MARCHF1: variants seen among roughly 807,000 people sequenced by gnomAD.
MARCHF1 encodes the protein membrane associated ring-CH-type finger 1, also known as E3 ubiquitin-protein ligase MARCHF1.
MARCHF1 carries 40 observed loss-of-function variants against 54.2 expected under a neutral mutation model. That is an observed-to-expected ratio of 0.74 (90% CI 0.57 to 0.96). The LOEUF (loss-of-function observed/expected upper bound fraction) is 0.96. Ranked by LOEUF, MARCHF1 falls within the 40% of genes least tolerant of loss-of-function variation. MARCHF1 has a pLI of 0.00. For missense variants in MARCHF1, 586 were observed against 656.5 expected (o/e 0.89, Z 1.17); for synonymous variants, 236 against 236.3 (o/e 1.00, Z 0.01).
chr4:164,372,535 T>C lies in MARCHF1; in HGVS notation c.-323+11335A>G, dbSNP rs140555074. Among the ~76,000 whole-genome samples, 648 of 152,272 alleles carry C rather than the reference T, an allele frequency of 4.3e-3. 3 individuals are homozygous for C. Among genetic ancestry groups the C allele is most frequent in the Middle Eastern group, 0.024 (7 of 292 alleles). On this transcript the variant is annotated intron_variant, in intron 1 of 9. Coordinates refer to ENST00000514618, the MANE Select transcript of MARCHF1 (RefSeq NM_001394959.1). Reference sequence around the variant, plus strand: ...TTCAGTCTTAATATTTCTATAATTTTTTTATAATAAACATATTTTACCTCA... The same window carrying C: ...TTCAGTCTTAATATTTCTATAATTTCTTTATAATAAACATATTTTACCTCA...
chr4:164,201,509 C>T (rs559907621), intron 1 of MARCHF1, among the ~76,000 whole-genome samples: 15 of 152,180 alleles, frequency 9.9e-5, no homozygotes, highest in African/African-American at 3.4e-4. Context: ...TGTGAGCCAC[C>T]GTGCCCGGCC....
At chr4:164,314,203 CTT>C (rs1176231045) in intron 1 of MARCHF1, among the ~76,000 whole-genome samples, 1 of 152,162 alleles carries the variant, frequency 6.6e-6, no homozygotes, top group Non-Finnish European at 1.5e-5. Context: ...AGAAAGTACA[CTT>C]TGTCTATATT....
chr4:164,125,555 T>C (rs188313617), intron 1 of MARCHF1, among the ~76,000 whole-genome samples: 1 of 152,266 alleles, frequency 6.6e-6, no homozygotes, highest in Admixed American at 6.5e-5. Context: ...GAAATGATTA[T>C]TATTTACATA....
intron 2 of MARCHF1, among the ~76,000 whole-genome samples, chr4:164,011,939 A>G (rs1753429462): frequency 6.6e-6 from 1 of 152,072 alleles, no homozygotes; most frequent in Admixed American, 6.5e-5. Context: ...GGAGCACTAT[A>G]TTGGAACTCA....
At chr4:163,755,103 G>C (rs565777066) in intron 4 of MARCHF1, among the ~76,000 whole-genome samples, 1 of 152,246 alleles carries the variant, frequency 6.6e-6, no homozygotes, top group Non-Finnish European at 1.5e-5. Context: ...AGTTGGCAGA[G>C]GCAGGAGATA....
At chr4:163,714,098 T>C (rs1478199509) in intron 4 of MARCHF1, among the ~76,000 whole-genome samples, 1 of 152,240 alleles carries the variant, frequency 6.6e-6, no homozygotes, top group Non-Finnish European at 1.5e-5. Context: ...TGTTATTCTT[T>C]CACTGGGTTT....
chr4:163,886,194 GATCT>G (rs887333192), intron 3 of MARCHF1, among the ~76,000 whole-genome samples: 29 of 149,862 alleles, frequency 1.9e-4, no homozygotes, highest in African/African-American at 4.2e-4. Flanking sequence ...TGAATCTATA[GATCT>G]ATCTCTCAAT....
chr4:163,800,202 T>G (rs1459488031), intron 4 of MARCHF1, among the ~76,000 whole-genome samples: 2 of 152,016 alleles, frequency 1.3e-5, no homozygotes, highest in African/African-American at 4.8e-5. Context: ...ATGGAATTAT[T>G]TGTACACCAA....
intron 1 of MARCHF1, among the ~76,000 whole-genome samples, chr4:164,179,721 T>C (rs1208432355): frequency 1.3e-5 from 2 of 152,020 alleles, no homozygotes; most frequent in Admixed American, 1.3e-4. Flanking sequence ...ACCATTAATA[T>C]GTCTTCTCAT....
intron 3 of MARCHF1, among the ~76,000 whole-genome samples, chr4:163,927,898 G>T (rs1249138978): frequency 6.6e-6 from 1 of 151,804 alleles, no homozygotes; most frequent in Non-Finnish European, 1.5e-5. Context: ...TTTGTATAAA[G>T]ATTTAAAATT....
chr4:163,949,643 C>T (rs1752093728), intron 3 of MARCHF1, among the ~76,000 whole-genome samples: 1 of 152,126 alleles, frequency 6.6e-6, no homozygotes, highest in South Asian at 2.1e-4. Flanking sequence ...TCAGAGGAGA[C>T]CCACAGTGGG....
At position 163,527,386 on chromosome 4, in the gene MARCHF1, C is replaced by CAAGT. The variant is rs1351378825; in HGVS notation, c.*1358_*1361dup. On this transcript the variant is annotated 3_prime_UTR_variant, in exon 10 of 10. Coordinates refer to ENST00000514618, the MANE Select transcript of MARCHF1 (RefSeq NM_001394959.1). Reference sequence around the variant, plus strand: ...TTAGTCATAATTACTCATCATCTGTCAAGTTGACACCTCATATGGATGAAA... The same window carrying CAAGT: ...TTAGTCATAATTACTCATCATCTGTCAAGTAAGTTGACACCTCATATGGATGAAA... 1.3e-5 allele frequency: 2 copies of CAAGT among 152,086 alleles called. No homozygotes were observed. The highest frequency in any genetic ancestry group is 4.8e-5 in the African/African-American group (2 of 41,458). The allele number at this position is 152,086 out of a possible 1,614,324, so 9.4% of individuals were successfully genotyped here. A position where few individuals can be genotyped will look rare whatever the true frequency, so the allele number is the denominator to read the frequency against.
At chr4:164,002,173 A>T (rs1423918301) in intron 2 of MARCHF1, among the ~76,000 whole-genome samples, 1 of 151,750 alleles carries the variant, frequency 6.6e-6, no homozygotes, top group Non-Finnish European at 1.5e-5. Context: ...CAGAATATTC[A>T]CAATATCTGG....
At chr4:164,248,294 A>C (rs1384961129) in intron 1 of MARCHF1, among the ~76,000 whole-genome samples, 1 of 152,060 alleles carries the variant, frequency 6.6e-6, no homozygotes, top group Non-Finnish European at 1.5e-5. Flanking sequence ...GTCTTTTAGC[A>C]GTTGAATTTA....
chr4:163,900,625 A>T (rs1368373196), intron 3 of MARCHF1, among the ~76,000 whole-genome samples: 1 of 152,160 alleles, frequency 6.6e-6, no homozygotes, highest in African/African-American at 2.4e-5. Flanking sequence ...TCTGTTTCTT[A>T]TAGAGAGTTA....
Position 163,725,058 on chromosome 4 carries a change from C to G in MARCHF1, c.112-24195G>C, listed in dbSNP as rs190706764. On this transcript the variant is annotated intron_variant, in intron 4 of 9. Transcript: ENST00000514618. Reference sequence around the variant, plus strand: ...GATCCCCAGTGAGATGAACCCAGTACCTCAGTTGGAAATGCAGAAATCACC... The same window carrying G: ...GATCCCCAGTGAGATGAACCCAGTAGCTCAGTTGGAAATGCAGAAATCACC... 1.7e-3 allele frequency among the ~76,000 whole-genome samples: 264 copies of G among 152,178 alleles called. 1 individual carries two copies. Among genetic ancestry groups the G allele is most frequent in the African/African-American group, 6.1e-3 (254 of 41,494 alleles).
At position 163,662,811 on chromosome 4, in the gene MARCHF1, C is replaced by T. The variant is rs12648891; in HGVS notation, c.162+38002G>A. ...TCAGTTCACTGAGAAAAAAAAAAAT[C>T]GTACAATCTCTTGTTTGAAGGCACA... On this transcript the variant is annotated intron_variant, in intron 5 of 9. Coordinates refer to ENST00000514618, the MANE Select transcript of MARCHF1 (RefSeq NM_001394959.1). 2.9e-3 allele frequency among the ~76,000 whole-genome samples: 433 copies of T among 151,856 alleles called. 10 individuals carry two copies. In the East Asian group the frequency reaches 0.031, roughly 11 times the overall value.
Position 164,032,868 on chromosome 4 carries a change from C to A in MARCHF1, c.-247-44159G>T, listed in dbSNP as rs533113832. The stretch of plus-strand genomic sequence containing the variant: ...CCAAGACAATCCTAAGCAGAAAGAA[C>A]AAAGCTGGAGGCATCATGCTACCCG... On this transcript the variant is annotated intron_variant, in intron 2 of 9. Transcript: ENST00000514618. Among the ~76,000 whole-genome samples the A allele has an allele frequency of 1.7e-3, 260 of 152,170 alleles. 1 individual carries two copies. The highest frequency in any genetic ancestry group is 5.6e-3 in the African/African-American group (233 of 41,508).
At chr4:163,571,185 A>ACTT (rs1739831782) in intron 8 of MARCHF1, among the ~76,000 whole-genome samples, 1 of 152,204 alleles carries the variant, frequency 6.6e-6, no homozygotes, top group African/African-American at 2.4e-5. Context: ...CTTGAGTCAT[A>ACTT]CTTTAATAGT....
Sources: gnomAD v4.1 joint callset for allele counts (sites outside exome capture counted in the v4.1 genomes callset) on GRCh38, gnomAD v4.1.1 for gene constraint, MANE v1.5 for transcripts, NCBI Gene and HGNC (gene_info 2026-07-23, HGNC 2026-07-21) for gene names.